RAP1GAP2: variants seen among roughly 807,000 people sequenced by gnomAD.
RAP1GAP2 encodes the protein RAP1 GTPase activating protein 2, also known as rap1 GTPase-activating protein 2.
RAP1GAP2 carries 27 observed loss-of-function variants against 95.0 expected under a neutral mutation model. The observed-to-expected ratio is 0.28, with a 90% CI of 0.21 to 0.39. The LOEUF is 0.39. RAP1GAP2 is among the 10% of genes least tolerant of loss of function. The probability of loss-of-function intolerance (pLI) is 1.00; values close to 1 mark genes in which losing one functional copy is unlikely to be tolerated. For synonymous variants in RAP1GAP2, 373 were observed against 380.9 expected (o/e 0.98, Z 0.24); for missense variants, 771 against 970.0 (o/e 0.79, Z 2.72).
At position 2,800,500 on chromosome 17, in the gene RAP1GAP2, C is replaced by G; in HGVS notation, c.45-15C>G. The G allele has an allele frequency of 6.2e-7, 1 of 1,611,764 alleles. No homozygotes were observed. Among genetic ancestry groups the G allele is most frequent in the Non-Finnish European group, 8.5e-7 (1 of 1,178,956 alleles). ...GCCTCAGCACTGACCGGAGCCCTTG[C>G]TTTTCTCTTGGCAGGATCGACAAGA... On this transcript the variant is annotated splice_polypyrimidine_tract_variant and intron_variant, in intron 1 of 24. Transcript: ENST00000254695.
chr17:2,917,253 T>C (rs2042601513), intron 3 of RAP1GAP2, among the ~76,000 whole-genome samples: 1 of 152,104 alleles, frequency 6.6e-6, no homozygotes, highest in African/African-American at 2.4e-5. Flanking sequence ...GGGTTAAGGC[T>C]TCCCCACTTC....
At chr17:2,946,198 G>A (rs950425906) in intron 3 of RAP1GAP2, among the ~76,000 whole-genome samples, 6 of 152,206 alleles carry the variant, frequency 3.9e-5, no homozygotes, top group Non-Finnish European at 7.3e-5. Context: ...TTGGTACTTC[G>A]TTGAGGATGT....
At chr17:2,800,848 TTTCTTTC>T (rs772849093) in intron 2 of RAP1GAP2, among the ~76,000 whole-genome samples, 520 of 101,008 alleles carry the variant, frequency 5.1e-3, no homozygotes, top group African/African-American at 8.2e-3. Context: ...TCTTTCTTTC[TTTCTTTC>T]TTTTTTTTTT....
rs957736416 is a variant in RAP1GAP2 at position 2,871,762 on chromosome 17, G to C, written c.81-33522G>C. On this transcript the variant is annotated intron_variant, in intron 2 of 24. Transcript: ENST00000254695. This position sits in a 1 kb window ranked among gnomAD's most constrained non-coding sequence, Gnocchi z 5.0. The stretch of plus-strand genomic sequence containing the variant: ...CCTTGACCCAGTGAGCCACCTCTGG[G>C]GATCTGTCAGATGTGCATCTTTCCA... Among the ~76,000 whole-genome samples the C allele has an allele frequency of 5.9e-5, 9 of 152,248 alleles. No homozygotes were observed. Among genetic ancestry groups the C allele is most frequent in the African/African-American group, 2.2e-4 (9 of 41,546 alleles).
chr17:2,994,775 A>G (rs1018891157), intron 12 of RAP1GAP2, among the ~76,000 whole-genome samples: 4 of 152,252 alleles, frequency 2.6e-5, no homozygotes, highest in African/African-American at 9.6e-5. Flanking sequence ...TGGACACGGC[A>G]CAGCCAAGGC....
At chr17:2,896,183 G>A (rs1348606005) in intron 2 of RAP1GAP2, among the ~76,000 whole-genome samples, 1 of 152,124 alleles carries the variant, frequency 6.6e-6, no homozygotes, top group Non-Finnish European at 1.5e-5. Context: ...TCCATGTTTG[G>A]CACTCGGGTC....
chr17:2,912,376 C>A (rs1357668677), intron 3 of RAP1GAP2, among the ~76,000 whole-genome samples: 1 of 152,168 alleles, frequency 6.6e-6, no homozygotes, highest in Non-Finnish European at 1.5e-5. Context: ...GCTCCTGGTT[C>A]CTGCCTCCTG....
intron 8 of RAP1GAP2, among the ~76,000 whole-genome samples, chr17:2,969,163 T>TTATCTGTCTATCTATC (rs1555581817): frequency 1.4e-4 from 21 of 146,666 alleles, no homozygotes; most frequent in Non-Finnish European, 2.9e-4. Context: ...ATATTTTTCT[T>TTATCTGTCTATCTATC]TATCTATCTA....
chr17:2,920,249 C>G (rs368833308), intron 3 of RAP1GAP2, among the ~76,000 whole-genome samples: 2 of 152,192 alleles, frequency 1.3e-5, no homozygotes, highest in South Asian at 4.1e-4. Flanking sequence ...CTTTTCTCGT[C>G]GTGCTCTCCT....
In RAP1GAP2 at chr17:2,855,151, G is replaced by T. The variant is rs1050818045; in HGVS notation, c.81-50133G>T. Among the ~76,000 whole-genome samples, 1 of 152,138 alleles carries T rather than the reference G, an allele frequency of 6.6e-6. No individual in the cohort carries two copies. Among genetic ancestry groups the T allele is most frequent in the Non-Finnish European group, 1.5e-5 (1 of 68,018 alleles). ...AGCTGGCATGGATTGCCCTTGTGGT[G>T]GGTTGTCCCCCATTCCTCTCGTCCC... is the stretch of plus-strand genomic sequence containing the variant. On this transcript the variant is annotated intron_variant, in intron 2 of 24. Transcript: ENST00000254695. This position sits in a 1 kb window ranked among gnomAD's most constrained non-coding sequence, Gnocchi z 4.3.
upstream of RAP1GAP2, among the ~76,000 whole-genome samples, chr17:2,773,399 A>G (rs2068435461): frequency 6.6e-6 from 1 of 152,208 alleles, no homozygotes; most frequent in Non-Finnish European, 1.5e-5. Flanking sequence ...GAGTTTCAGC[A>G]AGCAATTGTT....
intron 11 of RAP1GAP2, among the ~76,000 whole-genome samples, chr17:2,986,853 C>G (rs939067470): frequency 9.2e-5 from 14 of 152,200 alleles, no homozygotes; most frequent in Non-Finnish European, 1.8e-4. Context: ...CATTGTTTTT[C>G]TAGTGGGAGA....
rs1218292872 is a variant in RAP1GAP2, at chr17:2,797,804, G to A, written c.44+1233G>A. 1.0e-6 allele frequency: 1 copy of A among 984,926 alleles called. No individual in the cohort carries two copies. The highest frequency in any genetic ancestry group is 1.2e-6 in the Non-Finnish European group (1 of 829,642). 61.0% of individuals were successfully genotyped at this position (984,926 alleles called of 1,614,324 possible). ...GAGGGTAGGTGCCAGTGTCCGGGAG[G>A]CAGCAGAGGACTTGGCTTCTGGTTG... On this transcript the variant is annotated intron_variant, in intron 1 of 24. Transcript: ENST00000254695. The surrounding 1 kb of genome is among the most constrained non-coding windows in gnomAD (Gnocchi z 5.6).
chr17:2,969,045 A>T (rs993219366), intron 8 of RAP1GAP2, among the ~76,000 whole-genome samples: 1 of 152,104 alleles, frequency 6.6e-6, no homozygotes, highest in African/African-American at 2.4e-5. Context: ...TGATTATGGA[A>T]AAATTCACAG....
At chr17:2,933,084 C>T (rs1209837027) in intron 3 of RAP1GAP2, among the ~76,000 whole-genome samples, 12 of 152,238 alleles carry the variant, frequency 7.9e-5, no homozygotes, top group Non-Finnish European at 1.8e-4. Context: ...GGTTTCCCTC[C>T]TCCATGAGCC....
rs374454413 is a variant in RAP1GAP2, at chr17:2,797,813, G to T, written c.44+1242G>T. The T allele has an allele frequency of 2.1e-4, 208 of 984,146 alleles. No individual in the cohort carries two copies. The African/African-American group carries it at 3.4e-3, about 16-fold the overall frequency. The allele number at this position is 984,146 out of a possible 1,614,324, so 61.0% of individuals were successfully genotyped here. A position where few individuals can be genotyped will look rare whatever the true frequency, so the allele number is the denominator to read the frequency against. On this transcript the variant is annotated intron_variant, in intron 1 of 24. Coordinates refer to ENST00000254695, the MANE Select transcript of RAP1GAP2 (RefSeq NM_015085.5). This position sits in a 1 kb window ranked among gnomAD's most constrained non-coding sequence, Gnocchi z 5.6. ...TGCCAGTGTCCGGGAGGCAGCAGAG[G>T]ACTTGGCTTCTGGTTGGGAGGGGTG...
chr17:2,761,049 G>C (rs575324387), intron 1 of RAP1GAP2, among the ~76,000 whole-genome samples: 11 of 151,564 alleles, frequency 7.3e-5, no homozygotes, highest in African/African-American at 2.7e-4. Flanking sequence ...CCGCCTCCGG[G>C]GTTCAAGCGA....
chr17:2,991,304 A>G lies in RAP1GAP2; in HGVS notation c.821A>G (p.Glu274Gly), dbSNP rs2045742917. The G allele has an allele frequency of 6.3e-7, 1 of 1,599,362 alleles. No homozygotes were observed. The highest frequency in any genetic ancestry group is 1.7e-5 in the Admixed American group (1 of 57,782). The change falls in exon 12 of 25, where the codon GAG (glutamate) becomes GGG (glycine). Residue 274 changes from glutamate (E) to glycine (G), a missense_variant. Transcript: ENST00000254695. ...TTCCTGTTTCTCTTTCAGACCCTGG[A>G]GGAGGAGCTATTTGGGAACAATGAG... ...VIYQKARQTL[E>G]EELFGNNEES... is the part of the protein sequence containing the mutation.
intron 17 of RAP1GAP2, among the ~76,000 whole-genome samples, chr17:3,014,224 G>T (rs112457550): frequency 1.3e-5 from 2 of 149,982 alleles, no homozygotes; most frequent in Non-Finnish European, 3.0e-5. Context: ...CTGGATGGTC[G>T]AGCCTAGGAC....
Sources: gnomAD v4.1 joint callset for allele counts (sites outside exome capture counted in the v4.1 genomes callset) on GRCh38, gnomAD v4.1.1 for gene constraint, Gnocchi (gnomAD v3.1) non-coding constraint, MANE v1.5 for transcripts, NCBI Gene and HGNC (gene_info 2026-07-23, HGNC 2026-07-21) for gene names.